SMAD2: variants seen among roughly 807,000 people sequenced by gnomAD.
SMAD2 encodes MAD homolog 2.
SMAD2 carries 8 observed loss-of-function variants against 64.4 expected under a neutral mutation model. That is an observed-to-expected ratio of 0.12 (90% CI 0.07 to 0.22). The LOEUF is 0.22. SMAD2 is among the 10% of genes least tolerant of loss of function. SMAD2 has a pLI of 1.00. For missense variants in SMAD2, 289 were observed against 561.2 expected, an observed-to-expected ratio of 0.51 and a Z score of 4.90; for synonymous variants, 203 against 195.8, an observed-to-expected ratio of 1.04 and a Z score of -0.31.
At chr18:47,908,168 C>T (rs1316323570) in intron 1 of SMAD2, among the ~76,000 whole-genome samples, 2 of 152,108 alleles carry the variant, frequency 1.3e-5, no homozygotes, top group African/African-American at 2.4e-5. Context: ...TGGAAGTTTC[C>T]GTCCACAACA....
chr18:47,892,473 T>A (rs1293025435), intron 2 of SMAD2, among the ~76,000 whole-genome samples: 3 of 152,362 alleles, frequency 2.0e-5, no homozygotes, highest in Admixed American at 2.0e-4. Flanking sequence ...GTGCTAGGAT[T>A]ACAGGCGTGA....
chr18:47,839,640 T>C lies in SMAD2; in HGVS notation c.*2187A>G. 4.3e-6 allele frequency: 1 copy of C among 233,432 alleles called. No individual in the cohort carries two copies. Among genetic ancestry groups the C allele is most frequent in the Non-Finnish European group, 8.5e-6 (1 of 118,042 alleles). 14.5% of individuals were successfully genotyped at this position (233,432 alleles called of 1,614,324 possible). Reference sequence around the variant, plus strand: ...TTAGTGAGAATCACATGAAGCAGACTATCACAAAATAAGGCCACCTTCAAA... The same window carrying C: ...TTAGTGAGAATCACATGAAGCAGACCATCACAAAATAAGGCCACCTTCAAA... On this transcript the variant is annotated 3_prime_UTR_variant, in exon 11 of 11. Coordinates refer to ENST00000262160, the MANE Select transcript of SMAD2 (RefSeq NM_005901.6).
rs1017337838 is a variant in SMAD2, at chr18:47,915,051, T to C, written c.-54+15310A>G. Among the ~76,000 whole-genome samples, 12 of 152,202 alleles carry C rather than the reference T, an allele frequency of 7.9e-5. No homozygotes were observed. The East Asian group carries it at 1.9e-3, about 24-fold the overall frequency. On this transcript the variant is annotated intron_variant, in intron 1 of 10. Coordinates refer to ENST00000262160, the MANE Select transcript of SMAD2 (RefSeq NM_005901.6). ...CAGGTATCTTGGTTTTTATTGTAAA[T>C]GGGGACTTTAATTACACAAAAATAT...
At chr18:47,916,653 C>T (rs1258300412) in intron 1 of SMAD2, among the ~76,000 whole-genome samples, 1 of 151,948 alleles carries the variant, frequency 6.6e-6, no homozygotes, top group Admixed American at 6.5e-5. Flanking sequence ...GATCGCCCAC[C>T]TTGGCCTCCC....
chr18:47,912,353 C>T (rs1161494266), intron 1 of SMAD2: 2 of 152,186 alleles, frequency 1.3e-5, no homozygotes, highest in Non-Finnish European at 2.9e-5. Context: ...GATTGAAACA[C>T]AACTAATGTG....
At chr18:47,919,669 G>A (rs143688788) in intron 1 of SMAD2, among the ~76,000 whole-genome samples, 2,006 of 152,138 alleles carry the variant, frequency 0.013, 11 homozygotes, top group African/African-American at 0.023. Context: ...CCAAAACAAC[G>A]GCAGCCTTCT....
intron 1 of SMAD2, among the ~76,000 whole-genome samples, chr18:47,914,301 C>T (rs1485045015): frequency 6.6e-6 from 1 of 152,182 alleles, no homozygotes; most frequent in African/African-American, 2.4e-5. Context: ...TTTTATGCCA[C>T]AACCTTGCTT....
intron 1 of SMAD2, among the ~76,000 whole-genome samples, chr18:47,925,926 C>T (rs2034744250): frequency 6.6e-6 from 1 of 152,202 alleles, no homozygotes; most frequent in African/African-American, 2.4e-5. Flanking sequence ...CAACTATCCA[C>T]TCTTGCTTTA....
chr18:47,914,494 T>C (rs1243686766), intron 1 of SMAD2, among the ~76,000 whole-genome samples: 1 of 152,196 alleles, frequency 6.6e-6, no homozygotes, highest in Admixed American at 6.5e-5. Context: ...GAATCCCCTC[T>C]AGATATTCTT....
rs747216495 is a variant in SMAD2 at position 47,828,935 on chromosome 18, T to TAAAAAAAAAAAAAAA, written c.*12877_*12891dup. 2 of 32,484 alleles carry TAAAAAAAAAAAAAAA rather than the reference T, an allele frequency of 6.2e-5. No homozygotes were observed. The highest frequency in any genetic ancestry group is 1.0e-4 in the Non-Finnish European group (2 of 19,150). 2.0% of individuals were successfully genotyped at this position (32,484 alleles called of 1,614,324 possible). A position where few individuals can be genotyped will look rare whatever the true frequency, so the allele number is the denominator to read the frequency against. ...ACACCCAAGAATGATCAATAAATAC[T>TAAAAAAAAAAAAAAA]AAAAAAAAAAAAAAAAAAAAAAAAA... is the stretch of plus-strand genomic sequence containing the variant. On this transcript the variant is annotated 3_prime_UTR_variant, in exon 11 of 11. Transcript: ENST00000262160.
intron 2 of SMAD2, among the ~76,000 whole-genome samples, chr18:47,872,850 G>T (rs920916590): frequency 6.6e-6 from 1 of 152,136 alleles, no homozygotes; most frequent in Non-Finnish European, 1.5e-5. Context: ...GTGCCAAAAC[G>T]GTTGGGAACA....
chr18:47,855,682 C>T (rs546147087), intron 6 of SMAD2, among the ~76,000 whole-genome samples: 1 of 152,202 alleles, frequency 6.6e-6, no homozygotes, highest in African/African-American at 2.4e-5. Flanking sequence ...AGGGCAGTGT[C>T]ACAATCTTGG....
chr18:47,886,139 G>C (rs762907239), intron 2 of SMAD2, among the ~76,000 whole-genome samples: 12 of 152,178 alleles, frequency 7.9e-5, no homozygotes, highest in Non-Finnish European at 1.8e-4. Flanking sequence ...TACAGAATGT[G>C]ATTCCATGAA....
rs535797358 is a variant in SMAD2 at position 47,840,619 on chromosome 18, A to G, written c.*1208T>C. 1.3e-4 allele frequency: 30 copies of G among 231,982 alleles called. No individual in the cohort carries two copies. The East Asian group carries it at 1.6e-3, about 12-fold the overall frequency. 14.4% of individuals were successfully genotyped at this position (231,982 alleles called of 1,614,324 possible). On this transcript the variant is annotated 3_prime_UTR_variant, in exon 11 of 11. Transcript: ENST00000262160. ...AACATACTTTAAAAACAGATGGCCC[A>G]TATCTGCTGATCCTACCTCAGCATC...
At chr18:47,922,645 G>T (rs564294373) in intron 1 of SMAD2, 1 of 152,286 alleles carries the variant, frequency 6.6e-6, no homozygotes, top group South Asian at 2.1e-4. Flanking sequence ...AGCAATCTAT[G>T]TTCAAACATA....
At chr18:47,919,645 T>C (rs1283307119) in intron 1 of SMAD2, among the ~76,000 whole-genome samples, 1 of 151,976 alleles carries the variant, frequency 6.6e-6, no homozygotes, top group African/African-American at 2.4e-5. Context: ...CGGAGCAAGC[T>C]AAAAAAGACG....
intron 8 of SMAD2, among the ~76,000 whole-genome samples, 189 bp downstream of exon 8, chr18:47,848,285 GT>G (rs1308323099): frequency 6.6e-6 from 1 of 152,152 alleles, no homozygotes; most frequent in African/African-American, 2.4e-5. Flanking sequence ...AAGTTGAAGA[GT>G]TTGCAGCTGA....
intron 1 of SMAD2, among the ~76,000 whole-genome samples, chr18:47,914,462 A>G (rs1475017733): frequency 2.6e-5 from 4 of 152,304 alleles, no homozygotes; most frequent in Middle Eastern, 3.4e-3. Flanking sequence ...AGGCACAAAT[A>G]AATACCCTGA....
In SMAD2 at chr18:47,817,171, G is replaced by A. The variant is rs574884195; in HGVS notation, c.*24656C>T. The A allele has an allele frequency of 6.6e-6, 1 of 152,202 alleles. No individual in the cohort carries two copies. The highest frequency in any genetic ancestry group is 1.5e-5 in the Non-Finnish European group (1 of 68,056). The allele number at this position is 152,202 out of a possible 1,614,324, so 9.4% of individuals were successfully genotyped here. On this transcript the variant is annotated 3_prime_UTR_variant, in exon 11 of 11. Coordinates refer to ENST00000262160, the MANE Select transcript of SMAD2 (RefSeq NM_005901.6). ...TGTTCAGCAGTAGAACCTGAAGTAG[G>A]ACACATTTCAGAGAGAAGTGGTGAT... is the stretch of plus-strand genomic sequence containing the variant.
Sources: gnomAD v4.1 joint callset for allele counts (sites outside exome capture counted in the v4.1 genomes callset) on GRCh38, gnomAD v4.1.1 for gene constraint, MANE v1.5 for transcripts, NCBI Gene and HGNC (gene_info 2026-07-23, HGNC 2026-07-21) for gene names.